The following STX18 variants were observed in gnomAD, a reference collection of about 807,000 sequenced individuals.
STX18 encodes syntaxin-18.
Under a neutral mutation model 50.1 loss-of-function variants are expected in STX18, and 40 were observed. The observed-to-expected ratio is 0.80, with a 90% CI of 0.62 to 1.04. The LOEUF is 1.04. Among genes scored for constraint, STX18 ranks in the 50% least tolerant of loss-of-function variants. The pLI, the probability that STX18 is intolerant of heterozygous loss-of-function variation, is 0.00. For missense variants in STX18, 410 were observed against 415.8 expected (o/e 0.99, Z 0.12); for synonymous variants, 158 against 151.8 (o/e 1.04, Z -0.30).
At chr4:4,437,665 A>T in intron 6 of STX18, 1 of 982,730 alleles carries the variant, frequency 1.0e-6, no homozygotes, top group Non-Finnish European at 1.2e-6. Flanking sequence ...ACGGAGAAGG[A>T]TGCTAAAGGG....
chr4:4,425,921 C>T (rs1725221979), intron 7 of STX18: 1 of 152,482 alleles, frequency 6.6e-6, no homozygotes, highest in Non-Finnish European at 1.5e-5. Context: ...GATGGAAGCT[C>T]CTGAAACTCA....
chr4:4,535,059 A>G (rs1327323412), intron 1 of STX18, among the ~76,000 whole-genome samples: 1 of 152,168 alleles, frequency 6.6e-6, no homozygotes, highest in African/African-American at 2.4e-5. Flanking sequence ...GTTGTGTGCC[A>G]CTGCCTTTGC....
intron 1 of STX18, among the ~76,000 whole-genome samples, chr4:4,479,835 G>A (rs1313709032): frequency 1.3e-5 from 2 of 152,104 alleles, no homozygotes; most frequent in Non-Finnish European, 1.5e-5. Context: ...TACACATAAA[G>A]GTTTTACTAG....
rs1207308248 is a variant in STX18 at position 4,419,962 on chromosome 4, C to G, written c.*72G>C. 7.8e-7 allele frequency: 1 copy of G among 1,286,734 alleles called. No homozygotes were observed. Among genetic ancestry groups the G allele is most frequent in the Non-Finnish European group, 1.1e-6 (1 of 907,858 alleles). The allele number at this position is 1,286,734 out of a possible 1,614,324, so 79.7% of individuals were successfully genotyped here. A position where few individuals can be genotyped will look rare whatever the true frequency, so the allele number is the denominator to read the frequency against. Reference sequence around the variant, plus strand: ...AATCTGGTCATACCATGCTCCAGCACTGGAAGTACATGAAAGCACGCAGTC... The same window carrying G: ...AATCTGGTCATACCATGCTCCAGCAGTGGAAGTACATGAAAGCACGCAGTC... On this transcript the variant is annotated 3_prime_UTR_variant, in exon 11 of 11. Transcript: ENST00000306200.
intron 1 of STX18, among the ~76,000 whole-genome samples, chr4:4,529,533 A>G (rs1730991307): frequency 6.6e-6 from 1 of 151,898 alleles, no homozygotes; most frequent in Non-Finnish European, 1.5e-5. Context: ...TAAAGAGCAA[A>G]TCCCCAGAGG....
chr4:4,542,155 C>A, upstream of STX18: 1 of 681,008 alleles, frequency 1.5e-6, no homozygotes. Context: ...CCTCAGCCGG[C>A]GCACCTGGCG....
intron 5 of STX18, among the ~76,000 whole-genome samples, chr4:4,452,446 A>G (rs1726805980): frequency 6.6e-6 from 1 of 152,274 alleles, no homozygotes; most frequent in African/African-American, 2.4e-5. Flanking sequence ...GGAGAAGTCA[A>G]TGGCTGACTT....
At position 4,420,543 on chromosome 4, in the gene STX18, C is replaced by T. The variant is rs1203356834; in HGVS notation, c.912+321G>A. The T allele has an allele frequency of 2.4e-6, 1 of 411,190 alleles. No homozygotes were observed. The highest frequency in any genetic ancestry group is 2.0e-5 in the African/African-American group (1 of 49,626). 25.5% of individuals were successfully genotyped at this position (411,190 alleles called of 1,614,324 possible). ...TCTGTAAGCAGGGGCCAGGCTCTGA[C>T]CCCTCGGTGGGGGCCAACGAGCTAC... is the stretch of plus-strand genomic sequence containing the variant. On this transcript the variant is annotated intron_variant, in intron 10 of 10. Transcript: ENST00000306200. This position sits in a 1 kb window ranked among gnomAD's most constrained non-coding sequence, Gnocchi z 4.3.
intron 1 of STX18, among the ~76,000 whole-genome samples, chr4:4,540,067 T>C (rs1731509079): frequency 1.3e-5 from 2 of 152,226 alleles, no homozygotes; most frequent in African/African-American, 4.8e-5. Flanking sequence ...GAGAGTGTCC[T>C]GTTTCTCTTC....
chr4:4,536,385 A>G (rs1043431318), intron 1 of STX18, among the ~76,000 whole-genome samples: 4 of 152,234 alleles, frequency 2.6e-5, no homozygotes, highest in African/African-American at 9.6e-5. Flanking sequence ...CATATATTCG[A>G]GTAGACAAAC....
At chr4:4,485,162 C>A (rs1231491996) in intron 1 of STX18, among the ~76,000 whole-genome samples, 2 of 152,204 alleles carry the variant, frequency 1.3e-5, no homozygotes, top group East Asian at 3.8e-4. Context: ...TGTCACTTAA[C>A]CTCTTCCAGC....
intron 2 of STX18, among the ~76,000 whole-genome samples, chr4:4,464,474 C>T (rs746983857): frequency 6.6e-6 from 1 of 152,224 alleles, no homozygotes; most frequent in Non-Finnish European, 1.5e-5. Flanking sequence ...CAGACGCTGT[C>T]TGCAGGGTGT....
chr4:4,423,151 C>T (rs1725055435), intron 9 of STX18, among the ~76,000 whole-genome samples: 1 of 152,208 alleles, frequency 6.6e-6, no homozygotes, highest in South Asian at 2.1e-4. Context: ...GAGAATAACC[C>T]TGCAGGAGTC....
intron 1 of STX18, chr4:4,479,087 G>T (rs1703172031): frequency 6.6e-6 from 1 of 152,202 alleles, no homozygotes; most frequent in Non-Finnish European, 1.5e-5. Flanking sequence ...AGGGAATTGG[G>T]TAAAAACTAT....
chr4:4,501,099 A>G (rs1275945736), intron 1 of STX18, among the ~76,000 whole-genome samples: 1 of 152,188 alleles, frequency 6.6e-6, no homozygotes, highest in Non-Finnish European at 1.5e-5. Context: ...GTTGTTGGAC[A>G]CCTAGTTTGT....
intron 5 of STX18, among the ~76,000 whole-genome samples, chr4:4,444,412 T>C (rs1297007499): frequency 4.6e-5 from 7 of 152,182 alleles, no homozygotes; most frequent in Non-Finnish European, 4.4e-5. Flanking sequence ...CGGCCTGCTA[T>C]GCTAGCACTT....
chr4:4,499,371 G>A (rs1323509750), intron 1 of STX18: 1 of 318,234 alleles, frequency 3.1e-6, no homozygotes, highest in Non-Finnish European at 4.5e-6. Flanking sequence ...AAATTATAAA[G>A]TGGAATGGAG....
chr4:4,452,676 C>T (rs937386813), intron 5 of STX18, among the ~76,000 whole-genome samples: 3 of 152,168 alleles, frequency 2.0e-5, no homozygotes, highest in Non-Finnish European at 2.9e-5. Flanking sequence ...GCCCGGGTGG[C>T]AGAGTGAGAC....
At chr4:4,435,299 T>C (rs1725719048) in intron 6 of STX18, among the ~76,000 whole-genome samples, 1 of 152,214 alleles carries the variant, frequency 6.6e-6, no homozygotes, top group Non-Finnish European at 1.5e-5. Flanking sequence ...TATATATATA[T>C]ATACAGGAAG....
Sources: allele counts gnomAD v4.1 joint callset (sites outside exome capture counted in the v4.1 genomes callset), GRCh38; gene constraint gnomAD v4.1.1; non-coding constraint Gnocchi (gnomAD v3.1); transcripts MANE v1.5; gene names NCBI Gene and HGNC (gene_info 2026-07-23, HGNC 2026-07-21).